Variants in APOO observed in about 807,000 individuals in gnomAD.
APOO encodes the protein MICOS complex subunit MIC26.
APOO carries 11 observed loss-of-function variants against 23.1 expected under a neutral mutation model. The observed-to-expected ratio is 0.48, with a 90% confidence interval of 0.30 to 0.79. APOO has a LOEUF of 0.79. APOO is among the 30% of genes least tolerant of loss of function. The probability of loss-of-function intolerance (pLI) is 0.07; values close to 1 mark genes in which losing one functional copy is unlikely to be tolerated. For missense variants in APOO, 160 were observed against 142.7 expected, an observed-to-expected ratio of 1.12 and a Z score of -0.62; for synonymous variants, 59 against 54.8, an observed-to-expected ratio of 1.08 and a Z score of -0.34.
intron 5 of APOO, among the ~76,000 whole-genome samples, chrX:23,866,839 C>T (rs1925358497): frequency 9.3e-6 from 1 of 107,670 alleles, no homozygotes; most frequent in Admixed American, 1.0e-4. Flanking sequence ...GTGGCTCACA[C>T]CTGTAATCCC....
At position 23,855,127 on chromosome X, in the gene APOO, T is replaced by C. The variant is rs114382451; in HGVS notation, c.561+1175A>G. Among the ~76,000 whole-genome samples the C allele has an allele frequency of 5.5e-3, 582 of 106,321 alleles. 7 individuals are homozygous for C. Among genetic ancestry groups the C allele is most frequent in the African/African-American group, 0.019 (553 of 29,076 alleles). The allele number at this position is 106,321 out of a possible 115,157, so 92.3% of individuals were successfully genotyped here. ...ATCATGGCTCACTCTATTTAGCCCT[T>C]ACCTTCTGGGCTCAAGCAATCCTCC... On this transcript the variant is annotated intron_variant, in intron 7 of 8. Transcript: ENST00000379226.
At chrX:23,887,890 G>A (rs764570632) in intron 1 of APOO, among the ~76,000 whole-genome samples, 1 of 111,708 alleles carries the variant, frequency 9.0e-6, no homozygotes, top group South Asian at 3.7e-4. Flanking sequence ...TTGGCATTCA[G>A]CTAGTTGGGG....
In APOO at chrX:23,885,239, A is replaced by G. The variant is rs186605136; in HGVS notation, c.10-4287T>C. 3.8e-3 allele frequency among the ~76,000 whole-genome samples: 415 copies of G among 108,546 alleles called. 8 individuals carry two copies. Among genetic ancestry groups the G allele is most frequent in the East Asian group, 0.027 (91 of 3,429 alleles). The allele number at this position is 108,546 out of a possible 115,157, so 94.3% of individuals were successfully genotyped here. On this transcript the variant is annotated intron_variant, in intron 1 of 8. Transcript: ENST00000379226. ...CATGATGAAATCCAGTCTCTACAAAAAACACAAAAATTAGCCAGGCGTGGT... is the reference window on the plus strand; with the variant it reads ...CATGATGAAATCCAGTCTCTACAAAGAACACAAAAATTAGCCAGGCGTGGT...
At chrX:23,868,478 C>G in intron 5 of APOO, 115 bp downstream of exon 5, 1 of 510,067 alleles carries the variant, frequency 2.0e-6, no homozygotes, top group South Asian at 4.4e-5. Context: ...TTAAGAAAGC[C>G]GTATTTAGGA....
intron 5 of APOO, among the ~76,000 whole-genome samples, chrX:23,864,549 G>C (rs778548055): frequency 9.0e-6 from 1 of 111,063 alleles, no homozygotes; most frequent in Admixed American, 9.7e-5. Context: ...TGATACATCC[G>C]CCTTGAACTT....
intron 1 of APOO, among the ~76,000 whole-genome samples, chrX:23,885,065 T>C (rs1165781725): frequency 9.0e-6 from 1 of 111,200 alleles, no homozygotes; most frequent in Non-Finnish European, 1.9e-5. Flanking sequence ...TTTTTGGGTC[T>C]GGACTTCCTC....
At chrX:23,843,812 G>A (rs752110654) in intron 7 of APOO, among the ~76,000 whole-genome samples, 117 of 110,963 alleles carry the variant, frequency 1.1e-3, no homozygotes, top group Non-Finnish European at 1.8e-3. Context: ...TCAAGCTCCC[G>A]ACCACAGGTG....
intron 5 of APOO, among the ~76,000 whole-genome samples, chrX:23,864,569 T>C (rs988393016): frequency 8.9e-6 from 1 of 112,036 alleles, no homozygotes; most frequent in Non-Finnish European, 1.9e-5. Context: ...TCTGAAGTGC[T>C]GGGATTACAG....
At chrX:23,892,681 T>C (rs1416041267) in intron 1 of APOO, among the ~76,000 whole-genome samples, 3 of 104,886 alleles carry the variant, frequency 2.9e-5, no homozygotes, top group Non-Finnish European at 5.9e-5. Context: ...GGCAGGAGAA[T>C]GGCGTGAACC....
At chrX:23,856,473 G>T (rs1924789304) in intron 6 of APOO, 91 bp from the exon 7 acceptor site, 2 of 711,733 alleles carry the variant, frequency 2.8e-6, no homozygotes, top group African/African-American at 4.4e-5. Context: ...TTACTATAAA[G>T]ATATATGCAT....
rs183594793 is a variant in APOO at position 23,863,940 on chromosome X, T to C, written c.388+4653A>G. ...ATGGCCTTGACTCCACTGAGAGGCA[T>C]AGTGTTTTTTGCTGTGGGACCCATA... On this transcript the variant is annotated intron_variant, in intron 5 of 8. Coordinates refer to ENST00000379226, the MANE Select transcript of APOO (RefSeq NM_024122.5). 2.5e-3 allele frequency among the ~76,000 whole-genome samples: 270 copies of C among 110,188 alleles called. 1 individual carries two copies. Among genetic ancestry groups the C allele is most frequent in the Non-Finnish European group, 3.9e-3 (207 of 52,820 alleles).
chrX:23,894,919 C>T (rs1569244700), intron 1 of APOO, among the ~76,000 whole-genome samples: 1 of 111,022 alleles, frequency 9.0e-6, no homozygotes, highest in Admixed American at 9.6e-5. Context: ...CCGAGGCGGG[C>T]AGATCACTTG....
chrX:23,872,496 G>GT (rs1446721398), intron 4 of APOO, among the ~76,000 whole-genome samples: 2 of 99,326 alleles, frequency 2.0e-5, no homozygotes, highest in Non-Finnish European at 4.0e-5. Context: ...AGATAATAAG[G>GT]TATCTGTCAG....
chrX:23,880,602 G>A (rs763168455), intron 2 of APOO, among the ~76,000 whole-genome samples: 25 of 110,140 alleles, frequency 2.3e-4, no homozygotes, highest in Non-Finnish European at 4.5e-4. Flanking sequence ...GGGAGGCTGA[G>A]GCAGGAGAAT....
In APOO at chrX:23,874,413, T is replaced by C. The variant is rs1208257190; in HGVS notation, c.282A>G (p.Gln94=). The part of the protein sequence containing the change: ...QTKPKMQSLV[Q]WGLDSYDYLQ... ...TTAAAATCAACTTACCTAACCCCCA[T>C]TGAACCAAACTTTGCATCTTGGGCT... is the stretch of plus-strand genomic sequence containing the variant. Residue 94 remains glutamine, a synonymous_variant, in exon 4 of 9, where the codon CAA becomes CAG. Coordinates refer to ENST00000379226, the MANE Select transcript of APOO (RefSeq NM_024122.5). The C allele has an allele frequency of 4.1e-6, 5 of 1,210,480 alleles. No homozygotes were observed. The highest frequency in any genetic ancestry group is 1.8e-5 in the South Asian group (1 of 56,888).
intron 8 of APOO, among the ~76,000 whole-genome samples, chrX:23,838,372 A>G (rs1390228623): frequency 9.6e-6 from 1 of 103,905 alleles, no homozygotes; most frequent in Non-Finnish European, 1.9e-5. Flanking sequence ...AAAAAAAAAA[A>G]AAAAAGAAAG....
Position 23,868,883 on chromosome X carries a change from T to C in APOO, c.293-195A>G, listed in dbSNP as rs191386738. On this transcript the variant is annotated intron_variant, in intron 4 of 8. Transcript: ENST00000379226. The stretch of plus-strand genomic sequence containing the variant: ...ATATAAACAAGATTTACTATTCACA[T>C]AGCAAGTGTCCAATTTTCTTTTCTT... 2.6e-3 allele frequency among the ~76,000 whole-genome samples: 291 copies of C among 110,717 alleles called. 1 individual carries two copies. The highest frequency in any genetic ancestry group is 9.1e-3 in the African/African-American group (280 of 30,631).
intron 8 of APOO, among the ~76,000 whole-genome samples, chrX:23,839,434 T>G (rs756904585): frequency 9.0e-6 from 1 of 111,292 alleles, no homozygotes; most frequent in Non-Finnish European, 1.9e-5. Flanking sequence ...TCAGTTTATG[T>G]GACTCTTTGG....
chrX:23,854,582 G>T (rs773636990), intron 7 of APOO, among the ~76,000 whole-genome samples: 1 of 111,522 alleles, frequency 9.0e-6, no homozygotes, highest in Non-Finnish European at 1.9e-5. Flanking sequence ...GTACAGTGGC[G>T]CAATCTTGGC....
Sources: gnomAD v4.1 joint callset for allele counts (sites outside exome capture counted in the v4.1 genomes callset) on GRCh38, gnomAD v4.1.1 for gene constraint, MANE v1.5 for transcripts, NCBI Gene and HGNC (gene_info 2026-07-23, HGNC 2026-07-21) for gene names.